RBM43: variants seen among roughly 807,000 people sequenced by gnomAD.
RBM43 encodes RNA binding motif protein 43.
RBM43 carries 12 observed loss-of-function variants against 12.4 expected under a neutral mutation model. The ratio of observed to expected loss-of-function variants is 0.97; its 90% confidence interval spans 0.62 to 1.57. The LOEUF (loss-of-function observed/expected upper bound fraction) is 1.57. Among genes scored for constraint, RBM43 ranks in the 40% most tolerant of loss-of-function variants. The probability of loss-of-function intolerance (pLI) is 0.00; values close to 1 mark genes in which losing one functional copy is unlikely to be tolerated. For missense variants in RBM43, 348 were observed against 400.1 expected (o/e 0.87, Z 1.11); for synonymous variants, 138 against 145.7 (o/e 0.95, Z 0.38).
In RBM43 at chr2:151,255,576, T is replaced by C. The variant is rs1426429823; in HGVS notation, c.171A>G (p.Thr57=). Residue 57 remains threonine (T), a synonymous_variant, in exon 2 of 4, where the codon ACA becomes ACG. Transcript: ENST00000331426. ...TTACATATGCAACTCCCTTGGTTCT[T>C]GTCGGATATATCACATCTTCAACAT... ...GGDVEDVIYP[T]RTKGVAYVIF... is the part of the protein sequence containing the mutation. 3 of 1,614,068 alleles carry C rather than the reference T, an allele frequency of 1.9e-6. No individual in the cohort carries two copies. Among genetic ancestry groups the C allele is most frequent in the Admixed American group, 1.7e-5 (1 of 60,024 alleles).
At position 151,248,865 on chromosome 2, in the gene RBM43, C is replaced by G. The variant is rs1682854155; in HGVS notation, c.*2041G>C. On this transcript the variant is annotated 3_prime_UTR_variant, in exon 4 of 4. Transcript: ENST00000331426. ...GGACAGAAAATAAAATACATGCTTA[C>G]CAGTAAGAATGATAAGCCTTCTCCA... The G allele has an allele frequency of 6.6e-6, 1 of 152,086 alleles. No homozygotes were observed. Among genetic ancestry groups the G allele is most frequent in the African/African-American group, 2.4e-5 (1 of 41,382 alleles). 9.4% of individuals were successfully genotyped at this position (152,086 alleles called of 1,614,324 possible).
intron 1 of RBM43, chr2:151,261,411 G>A (rs544015783): frequency 1.2e-4 from 189 of 1,550,636 alleles, no homozygotes; most frequent in Non-Finnish European, 2.5e-5. Flanking sequence ...CCGTCGCCTG[G>A]GCAGTGGGTG....
intron 1 of RBM43, among the ~76,000 whole-genome samples, chr2:151,257,872 C>A (rs1403825258): frequency 6.6e-6 from 1 of 152,032 alleles, no homozygotes; most frequent in East Asian, 1.9e-4. Flanking sequence ...GAGTTCTAGA[C>A]CAGCCTGGCC....
At chr2:151,260,493 C>T (rs774513523) in intron 1 of RBM43, among the ~76,000 whole-genome samples, 5 of 152,124 alleles carry the variant, frequency 3.3e-5, no homozygotes, top group Admixed American at 6.6e-5. Context: ...AGTACTAATA[C>T]CATATTTCTT....
At chr2:151,255,791 T>A in intron 1 of RBM43, 48 bp from the exon 2 acceptor site, 1 of 1,297,916 alleles carries the variant, frequency 7.7e-7, no homozygotes, top group Non-Finnish European at 1.1e-6. Context: ...AGACTCTATA[T>A]AATAAAGATG....
At chr2:151,258,385 A>C (rs903658926) in intron 1 of RBM43, among the ~76,000 whole-genome samples, 469 of 135,554 alleles carry the variant, frequency 3.5e-3, no homozygotes, top group Non-Finnish European at 4.8e-3. Flanking sequence ...ATTTTACTTT[A>C]AAAAAAAAAA....
chr2:151,260,328 T>G (rs1186121529), intron 1 of RBM43, among the ~76,000 whole-genome samples: 1 of 151,968 alleles, frequency 6.6e-6, no homozygotes, highest in Non-Finnish European at 1.5e-5. Flanking sequence ...TGACCTCAAG[T>G]GATCCGCCCT....
At chr2:151,257,112 C>T (rs1682984941) in intron 1 of RBM43, among the ~76,000 whole-genome samples, 1 of 152,168 alleles carries the variant, frequency 6.6e-6, no homozygotes, top group South Asian at 2.1e-4. Flanking sequence ...TTTAAACAGT[C>T]CACCCGAGCT....
At chr2:151,251,739 A>G in intron 3 of RBM43, 75 bp from the exon 4 acceptor site, 3 of 1,423,076 alleles carry the variant, frequency 2.1e-6, no homozygotes, top group Non-Finnish European at 2.9e-6. Context: ...CTTTTCTGCC[A>G]CTTTCTTTTC....
In RBM43 at chr2:151,252,760, C is replaced by A. The variant is rs764446904; in HGVS notation, c.310G>T (p.Asp104Tyr). 3 of 1,577,282 alleles carry A rather than the reference C, an allele frequency of 1.9e-6. No homozygotes were observed. In the South Asian group the frequency reaches 3.3e-5, roughly 17 times the overall value. The change falls in exon 3 of 4, where the codon GAC becomes TAC. Residue 104 changes from aspartate to tyrosine, a missense_variant. Physicochemically the swap from Asp to Tyr is radical, Grantham distance 160 (BLOSUM62 -3). Coordinates refer to ENST00000331426, the MANE Select transcript of RBM43 (RefSeq NM_198557.3). ...TVSLRVSHFG[D>Y]KIFSSVNAIL... is the part of the protein sequence containing the mutation. Reference sequence around the variant, plus strand: ...CCTACAGCATCACACCTTACCTTGTCACCAAAATGAGAGACTCTGAGAGAG... The same window carrying A: ...CCTACAGCATCACACCTTACCTTGTAACCAAAATGAGAGACTCTGAGAGAG...
chr2:151,252,820 G>C lies in RBM43; in HGVS notation c.250C>G (p.Leu84Val). 1 of 1,610,978 alleles carries C rather than the reference G, an allele frequency of 6.2e-7. No homozygotes were observed. The highest frequency in any genetic ancestry group is 8.5e-7 in the Non-Finnish European group (1 of 1,177,464). ...ENVIRQKKHW[L>V]ARKTRHAELT... ...TCAGCATGTCTAGTCTTCCTTGCTA[G>C]CCAGTGTTTCTTTTGTCTGATGACA... The change falls in exon 3 of 4, where the codon CTA (leucine) becomes GTA (valine). Residue 84 changes from leucine to valine, a missense_variant. Coordinates refer to ENST00000331426, the MANE Select transcript of RBM43 (RefSeq NM_198557.3).
Position 151,255,555 on chromosome 2 carries a change from A to C in RBM43, c.192T>G (p.Tyr64Ter). 4 of 1,612,696 alleles carry C rather than the reference A, an allele frequency of 2.5e-6. No homozygotes were observed. The highest frequency in any genetic ancestry group is 3.4e-6 in the Non-Finnish European group (4 of 1,178,976). The change falls in exon 2 of 4, where the codon TAT (tyrosine) becomes TAG (stop). Residue 64 changes from tyrosine (Y) to a stop codon, truncating the protein, a stop_gained. Coordinates refer to ENST00000331426, the MANE Select transcript of RBM43 (RefSeq NM_198557.3). LOFTEE classifies it high-confidence loss of function. ...IYPTRTKGVA[Y>*]VIFKEKKVAE... Reference sequence around the variant, plus strand: ...TACCTTTTTTTTCTTTGAATATTACATATGCAACTCCCTTGGTTCTTGTCG... The same window carrying C: ...TACCTTTTTTTTCTTTGAATATTACCTATGCAACTCCCTTGGTTCTTGTCG...
chr2:151,257,118 G>A (rs1399412326), intron 1 of RBM43, among the ~76,000 whole-genome samples: 5 of 152,078 alleles, frequency 3.3e-5, no homozygotes, highest in African/African-American at 9.7e-5. Flanking sequence ...CAGTCCACCC[G>A]AGCTCAAACA....
At chr2:151,255,417 C>CA (rs35043333) in intron 2 of RBM43, 116 bp downstream of exon 2, 355,835 of 587,912 alleles carry the variant, frequency 0.61, 79,999 homozygotes, top group Admixed American at 0.67. Flanking sequence ...GACTGTGTCT[C>CA]AAAAAAAAAA....
At chr2:151,260,659 A>C (rs1305666355) in intron 1 of RBM43, among the ~76,000 whole-genome samples, 1 of 152,204 alleles carries the variant, frequency 6.6e-6, no homozygotes, top group Non-Finnish European at 1.5e-5. Flanking sequence ...ATGACTTGCC[A>C]ATATTTGTCC....
At chr2:151,256,880 G>T (rs1682982525) in intron 1 of RBM43, among the ~76,000 whole-genome samples, 1 of 152,100 alleles carries the variant, frequency 6.6e-6, no homozygotes, top group South Asian at 2.1e-4. Flanking sequence ...GTGGAGTAAA[G>T]CCTGACTTCC....
intron 1 of RBM43, among the ~76,000 whole-genome samples, chr2:151,259,603 C>T (rs891761426): frequency 6.6e-6 from 1 of 151,910 alleles, no homozygotes; most frequent in African/African-American, 2.4e-5. Context: ...CGCACCACTG[C>T]ACTCCAGCCT....
At chr2:151,258,335 G>T (rs1176992402) in intron 1 of RBM43, among the ~76,000 whole-genome samples, 2 of 151,252 alleles carry the variant, frequency 1.3e-5, no homozygotes, top group Admixed American at 6.6e-5. Flanking sequence ...CTGTAATGAA[G>T]GCAGCTGGGC....
In RBM43 at chr2:151,250,262, C is replaced by A. The variant is rs1682877428; in HGVS notation, c.*644G>T. 1 of 152,144 alleles carries A rather than the reference C, an allele frequency of 6.6e-6. No individual in the cohort carries two copies. The highest frequency in any genetic ancestry group is 1.9e-4 in the East Asian group (1 of 5,202). The allele number at this position is 152,144 out of a possible 1,614,324, so 9.4% of individuals were successfully genotyped here. A position where few individuals can be genotyped will look rare whatever the true frequency, so the allele number is the denominator to read the frequency against. On this transcript the variant is annotated 3_prime_UTR_variant, in exon 4 of 4. Coordinates refer to ENST00000331426, the MANE Select transcript of RBM43 (RefSeq NM_198557.3). Reference sequence around the variant, plus strand: ...GCTACTTCTTAATAATTATTATTCTCTAATAATTTGGAGTTACAGAGAAAG... The same window carrying A: ...GCTACTTCTTAATAATTATTATTCTATAATAATTTGGAGTTACAGAGAAAG...
Sources: gnomAD v4.1 joint callset for allele counts (sites outside exome capture counted in the v4.1 genomes callset) on GRCh38, gnomAD v4.1.1 for gene constraint, MANE v1.5 for transcripts, NCBI Gene and HGNC (gene_info 2026-07-23, HGNC 2026-07-21) for gene names.